Variants in RPS6KA6 observed in about 807,000 individuals in gnomAD.
RPS6KA6 encodes the protein ribosomal protein S6 kinase A6.
In RPS6KA6, 27 loss-of-function variants were observed where a neutral mutation model predicts 65.4. That is an observed-to-expected ratio of 0.41 (90% CI 0.30 to 0.57). The LOEUF (loss-of-function observed/expected upper bound fraction) is 0.57, where lower values mean the gene tolerates loss of function less well. Ranked by LOEUF, RPS6KA6 falls within the 20% of genes least tolerant of loss-of-function variation. The pLI is 0.24. For missense variants in RPS6KA6, 486 were observed against 555.6 expected (o/e 0.87, Z 1.26); for synonymous variants, 190 against 184.2 (o/e 1.03, Z -0.26).
chrX:84,081,435 G>A (rs1275885677), intron 20 of RPS6KA6, among the ~76,000 whole-genome samples: 1 of 111,494 alleles, frequency 9.0e-6, no homozygotes, highest in Non-Finnish European at 1.9e-5. Flanking sequence ...TCGAATGCCT[G>A]AATATACCAA....
At chrX:84,156,318 C>T (rs2035415583) in intron 2 of RPS6KA6, 127 bp from the exon 3 acceptor site, 2 of 408,630 alleles carry the variant, frequency 4.9e-6, no homozygotes, top group African/African-American at 5.0e-5. Context: ...TTATGGGCTA[C>T]CAGTATCCTT....
intron 3 of RPS6KA6, among the ~76,000 whole-genome samples, chrX:84,151,488 G>A (rs1242502244): frequency 1.8e-5 from 2 of 110,350 alleles, no homozygotes; most frequent in East Asian, 5.7e-4. Flanking sequence ...TCTATGAACA[G>A]GCTCACTCCA....
At chrX:84,175,999 T>A (rs1256646456) in intron 1 of RPS6KA6, among the ~76,000 whole-genome samples, 2 of 112,081 alleles carry the variant, frequency 1.8e-5, no homozygotes, top group African/African-American at 3.2e-5. Context: ...GACTAGTAGT[T>A]GTACTACTAT....
chrX:84,172,250 A>G (rs781617619), intron 1 of RPS6KA6, among the ~76,000 whole-genome samples: 1 of 111,973 alleles, frequency 8.9e-6, no homozygotes, highest in South Asian at 3.7e-4. Flanking sequence ...CTTTGGGTAT[A>G]TACCCATTAA....
chrX:84,137,983 A>G (rs1287832857), intron 6 of RPS6KA6, among the ~76,000 whole-genome samples: 4 of 112,076 alleles, frequency 3.6e-5, no homozygotes, highest in Non-Finnish European at 7.5e-5. Context: ...GACATTCTCC[A>G]TCCAATGGTC....
intron 6 of RPS6KA6, among the ~76,000 whole-genome samples, chrX:84,143,627 C>T (rs1045667029): frequency 3.2e-4 from 36 of 111,393 alleles, no homozygotes; most frequent in Non-Finnish European, 6.3e-4. Context: ...TTGACCTATA[C>T]ATTCAATAAA....
intron 14 of RPS6KA6, 112 bp downstream of exon 14, chrX:84,106,798 T>C (rs1320757691): frequency 1.8e-5 from 11 of 607,297 alleles, no homozygotes; most frequent in East Asian, 7.4e-5. Flanking sequence ...TTTATACCAA[T>C]AGATAAACAA....
chrX:84,122,806 T>C (rs185163504), intron 8 of RPS6KA6, among the ~76,000 whole-genome samples: 6 of 111,439 alleles, frequency 5.4e-5, no homozygotes, highest in Admixed American at 1.9e-4. Flanking sequence ...ACTACTAGTG[T>C]TGAACTGGAA....
At chrX:84,120,103 T>C (rs1441476327) in intron 8 of RPS6KA6, 76 bp from the exon 9 acceptor site, 17 of 719,100 alleles carry the variant, frequency 2.4e-5, no homozygotes, top group Non-Finnish European at 3.1e-5. Context: ...AACAAAATAA[T>C]GTATTAAACA....
Position 84,117,472 on chromosome X carries a change from AAC to A in RPS6KA6, c.790-20_790-19del. 3 of 1,049,801 alleles carry A rather than the reference AAC, an allele frequency of 2.9e-6. No individual in the cohort carries two copies. Among genetic ancestry groups the A allele is most frequent in the Admixed American group, 5.4e-5 (2 of 37,227 alleles). 86.5% of individuals were successfully genotyped at this position (1,049,801 alleles called of 1,213,427 possible). The stretch of plus-strand genomic sequence containing the variant: ...ATTTCAAACTAAAACAAACAAACAA[AAC>A]ACACCACACAATTAGAACACCTTAG... On this transcript the variant is annotated intron_variant, in intron 9 of 21. Coordinates refer to ENST00000262752, the MANE Select transcript of RPS6KA6 (RefSeq NM_014496.5).
chrX:84,149,993 A>G (rs1192136113), intron 3 of RPS6KA6, among the ~76,000 whole-genome samples: 1 of 112,321 alleles, frequency 8.9e-6, no homozygotes, highest in Non-Finnish European at 1.9e-5. Context: ...GAGTTACTTT[A>G]GCTAGATCTT....
At position 84,092,342 on chromosome X, in the gene RPS6KA6, G is replaced by A. The variant is rs372836440; in HGVS notation, c.1971+3852C>T. Among the ~76,000 whole-genome samples, 18 of 111,013 alleles carry A rather than the reference G, an allele frequency of 1.6e-4. No homozygotes were observed. The South Asian group carries it at 6.2e-3, about 38-fold the overall frequency. On this transcript the variant is annotated intron_variant, in intron 20 of 21. Transcript: ENST00000262752. ...AAATGGAAATCAAAACTGCAGTGAG[G>A]GCTGGGCACCATGGCTCAAGCGTGT... is the stretch of plus-strand genomic sequence containing the variant.
At chrX:84,179,349 G>A (rs1168092302) in intron 1 of RPS6KA6, among the ~76,000 whole-genome samples, 1 of 111,353 alleles carries the variant, frequency 9.0e-6, no homozygotes, top group Non-Finnish European at 1.9e-5. Context: ...TAAGTGAAAA[G>A]TTATGTCCAA....
chrX:84,168,622 T>A (rs1029535043), intron 1 of RPS6KA6, among the ~76,000 whole-genome samples: 1 of 111,677 alleles, frequency 9.0e-6, no homozygotes, highest in African/African-American at 3.3e-5. Flanking sequence ...TGCCATAAAA[T>A]GACTCTCAGA....
intron 20 of RPS6KA6, among the ~76,000 whole-genome samples, chrX:84,077,333 G>A (rs374196463): frequency 5.4e-5 from 6 of 110,980 alleles, no homozygotes; most frequent in South Asian, 7.5e-4. Context: ...GAAAAAAGTC[G>A]AAACACTCAT....
At chrX:84,087,389 A>G (rs977042599) in intron 20 of RPS6KA6, among the ~76,000 whole-genome samples, 2 of 111,002 alleles carry the variant, frequency 1.8e-5, no homozygotes, top group African/African-American at 3.3e-5. Context: ...TCTGAAAGAG[A>G]CCTTATTTCT....
intron 4 of RPS6KA6, 147 bp from the exon 5 acceptor site, chrX:84,147,205 T>C (rs1464741830): frequency 2.6e-5 from 10 of 387,652 alleles, no homozygotes; most frequent in Non-Finnish European, 4.5e-5. Flanking sequence ...TCCTAGATAA[T>C]GACCATATTC....
intron 18 of RPS6KA6, among the ~76,000 whole-genome samples, chrX:84,098,632 T>A (rs1387356324): frequency 9.0e-6 from 1 of 111,216 alleles, no homozygotes; most frequent in East Asian, 2.8e-4. Flanking sequence ...AATAGAAACA[T>A]TATTAATGCA....
intron 18 of RPS6KA6, among the ~76,000 whole-genome samples, chrX:84,099,070 TA>T (rs759425532): frequency 9.0e-6 from 1 of 111,231 alleles, no homozygotes; most frequent in African/African-American, 3.2e-5. Flanking sequence ...GGAAGCTTTT[TA>T]AAGTTTCCCA....
Sources: gnomAD v4.1 joint callset for allele counts (sites outside exome capture counted in the v4.1 genomes callset) on GRCh38, gnomAD v4.1.1 for gene constraint, MANE v1.5 for transcripts, NCBI Gene and HGNC (gene_info 2026-07-23, HGNC 2026-07-21) for gene names.